The following ARF4 variants were observed in gnomAD, a reference collection of about 807,000 sequenced individuals.
ARF4 encodes the protein ARF GTPase 4, also known as ADP-ribosylation factor 4.
Under a neutral mutation model 24.3 loss-of-function variants are expected in ARF4, and 5 were observed. The ratio of observed to expected loss-of-function variants is 0.21; its 90% CI spans 0.11 to 0.43. ARF4 has a LOEUF of 0.43. Among genes scored for constraint, ARF4 ranks in the 20% least tolerant of loss-of-function variants. The pLI, the probability that ARF4 is intolerant of heterozygous loss-of-function variation, is 1.00. For synonymous variants in ARF4, 62 were observed against 73.5 expected (o/e 0.84, Z 0.80); for missense variants, 107 against 213.0 (o/e 0.50, Z 3.10).
chr3:57,584,150 A>G, intron 2 of ARF4, 143 bp from the exon 3 acceptor site: 1 of 709,348 alleles, frequency 1.4e-6, no homozygotes, highest in South Asian at 2.0e-5. Flanking sequence ...ATCAACAGAG[A>G]CAAGGCCTCA....
chr3:57,572,723 TC>T (rs1034553747), intron 5 of ARF4, among the ~76,000 whole-genome samples: 2 of 152,042 alleles, frequency 1.3e-5, no homozygotes, highest in African/African-American at 2.4e-5. Context: ...GACAAGATTT[TC>T]CCCCCTCATT....
chr3:57,573,905 CTGAGA>C (rs1186418062), intron 5 of ARF4, among the ~76,000 whole-genome samples: 1 of 150,756 alleles, frequency 6.6e-6, no homozygotes, highest in African/African-American at 2.4e-5. Context: ...TCAAATCAGC[CTGAGA>C]TATCTCAAAC....
chr3:57,588,025 C>T (rs1208358047), intron 1 of ARF4, among the ~76,000 whole-genome samples: 2 of 152,164 alleles, frequency 1.3e-5, no homozygotes, highest in East Asian at 3.8e-4. Flanking sequence ...TTTTGAGCCA[C>T]TTCAGTCATT....
At chr3:57,590,071 C>G (rs149453430) in intron 1 of ARF4, among the ~76,000 whole-genome samples, 1 of 149,486 alleles carries the variant, frequency 6.7e-6, no homozygotes, top group Non-Finnish European at 1.5e-5. Flanking sequence ...GCCTGGGCAA[C>G]AGACCAAGAC....
chr3:57,573,016 C>G (rs551183868), intron 5 of ARF4, among the ~76,000 whole-genome samples: 7 of 151,930 alleles, frequency 4.6e-5, no homozygotes, highest in Admixed American at 1.3e-4. Context: ...TCCTGGCTAA[C>G]GCAGTGAAAC....
chr3:57,586,538 C>T (rs925153056), intron 1 of ARF4, among the ~76,000 whole-genome samples: 1 of 152,172 alleles, frequency 6.6e-6, no homozygotes, highest in Non-Finnish European at 1.5e-5. Flanking sequence ...GCCTTTTATT[C>T]CTTTGTCCTG....
At position 57,597,234 on chromosome 3, in the gene ARF4, G is replaced by A. The variant is rs774563919; in HGVS notation, c.-94C>T. 19 of 1,252,334 alleles carry A rather than the reference G, an allele frequency of 1.5e-5. No individual in the cohort carries two copies. In the South Asian group the frequency reaches 1.9e-4, roughly 13 times the overall value. The allele number at this position is 1,252,334 out of a possible 1,614,324, so 77.6% of individuals were successfully genotyped here. ...AAGCTCCCAGGCAAACTAAACGAGA[G>A]GGAAGAGAAAGAGCGGAGGAAGAAA... On this transcript the variant is annotated 5_prime_UTR_variant, in exon 1 of 6. Transcript: ENST00000303436.
At chr3:57,590,661 AGT>A (rs75472050) in intron 1 of ARF4, among the ~76,000 whole-genome samples, 24,606 of 151,860 alleles carry the variant, frequency 0.16, 2,620 homozygotes, top group East Asian at 0.48. Context: ...CATAATTATA[AGT>A]GTGTGTGTGT....
chr3:57,595,773 A>AC (rs1207889201), intron 1 of ARF4, among the ~76,000 whole-genome samples: 1 of 151,868 alleles, frequency 6.6e-6, no homozygotes, highest in African/African-American at 2.4e-5. Flanking sequence ...ACGTGGTGAA[A>AC]CCCCCGTCTC....
At chr3:57,584,344 C>T in intron 2 of ARF4, 40 bp downstream of exon 2, 1 of 1,445,136 alleles carries the variant, frequency 6.9e-7, no homozygotes, top group Non-Finnish European at 9.7e-7. Flanking sequence ...TTTCACTTTA[C>T]AACATATCAT....
chr3:57,580,685 C>T lies in ARF4; in HGVS notation c.258+3213G>A, dbSNP rs1160057483. Among the ~76,000 whole-genome samples the T allele has an allele frequency of 2.0e-5, 3 of 152,102 alleles. No homozygotes were observed. In the East Asian group the frequency reaches 5.8e-4, roughly 29 times the overall value. ...TTGGTGTTTCAGGCATAAGCCATAGCACCCGGTCCTGAAACCTACCCTTTA... is the reference window on the plus strand; with the variant it reads ...TTGGTGTTTCAGGCATAAGCCATAGTACCCGGTCCTGAAACCTACCCTTTA... On this transcript the variant is annotated intron_variant, in intron 3 of 5. Transcript: ENST00000303436.
At position 57,597,048 on chromosome 3, in the gene ARF4, C is replaced by G. The variant is rs1292989625; in HGVS notation, c.67+26G>C. 1.9e-6 allele frequency: 3 copies of G among 1,611,746 alleles called. No homozygotes were observed. The African/African-American group carries it at 4.0e-5, about 22-fold the overall frequency. On this transcript the variant is annotated intron_variant, in intron 1 of 5. Transcript: ENST00000303436. ...TGGAGACCCTGCCTTTCCCAGGTCC[C>G]GCCTGACTCGCAGCCCCTCACTCAC...
chr3:57,588,935 T>G (rs2070070625), intron 1 of ARF4, among the ~76,000 whole-genome samples: 1 of 152,076 alleles, frequency 6.6e-6, no homozygotes, highest in Admixed American at 6.6e-5. Flanking sequence ...AAAGCCCGTC[T>G]CTACTAAAAA....
At chr3:57,591,853 G>A (rs909324180) in intron 1 of ARF4, among the ~76,000 whole-genome samples, 9 of 152,218 alleles carry the variant, frequency 5.9e-5, no homozygotes, top group Admixed American at 4.6e-4. Flanking sequence ...TGAAGTGTCC[G>A]GAATAGATTA....
intron 3 of ARF4, among the ~76,000 whole-genome samples, chr3:57,582,638 T>C (rs1036682254): frequency 6.6e-6 from 1 of 152,150 alleles, no homozygotes; most frequent in Non-Finnish European, 1.5e-5. Context: ...GGGTATTCAC[T>C]GCCACCTGAT....
At chr3:57,592,817 G>A (rs1356384677) in intron 1 of ARF4, among the ~76,000 whole-genome samples, 2 of 152,148 alleles carry the variant, frequency 1.3e-5, no homozygotes, top group Non-Finnish European at 2.9e-5. Context: ...CCAATAACCT[G>A]AGAAAATGCT....
intron 3 of ARF4, among the ~76,000 whole-genome samples, chr3:57,580,898 C>T (rs2069962569): frequency 6.6e-6 from 1 of 152,058 alleles, no homozygotes; most frequent in Non-Finnish European, 1.5e-5. Flanking sequence ...CAGGCATAAG[C>T]CACTGCACCC....
chr3:57,577,538 A>C (rs2069921405), intron 3 of ARF4, 151 bp from the exon 4 acceptor site: 1 of 623,450 alleles, frequency 1.6e-6, no homozygotes, highest in South Asian at 2.1e-5. Flanking sequence ...CTAAAAGCTG[A>C]TTTGAGAACT....
chr3:57,571,501 T>TA lies in ARF4; in HGVS notation c.*710dup, dbSNP rs1283206835. On this transcript the variant is annotated 3_prime_UTR_variant, in exon 6 of 6. Coordinates refer to ENST00000303436, the MANE Select transcript of ARF4 (RefSeq NM_001660.4). ...AAACAAAACATCAGCAGAACTATCATATACTGAGCAAAAAATCAGGCTGAT... is the reference window on the plus strand; with the variant it reads ...AAACAAAACATCAGCAGAACTATCATAATACTGAGCAAAAAATCAGGCTGAT... 6.6e-6 allele frequency: 1 copy of TA among 152,608 alleles called. No homozygotes were observed. The highest frequency in any genetic ancestry group is 2.4e-5 in the African/African-American group (1 of 41,424). The allele number at this position is 152,608 out of a possible 1,614,324, so 9.5% of individuals were successfully genotyped here.
Sources: gnomAD v4.1 joint callset for allele counts (sites outside exome capture counted in the v4.1 genomes callset) on GRCh38, gnomAD v4.1.1 for gene constraint, MANE v1.5 for transcripts, NCBI Gene and HGNC (gene_info 2026-07-23, HGNC 2026-07-21) for gene names.